TNIK: variants seen among roughly 807,000 people sequenced by gnomAD.
TNIK encodes TRAF2 and NCK interacting kinase.
A neutral mutation model predicts 191.3 loss-of-function variants in TNIK; 49 were observed. The ratio of observed to expected loss-of-function variants is 0.26; its 90% CI spans 0.20 to 0.32. TNIK has a LOEUF of 0.32. Ranked by LOEUF, TNIK falls within the 10% of genes least tolerant of loss-of-function variation. The pLI is 1.00. For synonymous variants in TNIK, 594 were observed against 600.9 expected (o/e 0.99, Z 0.17); for missense variants, 1,155 against 1,702.3 (o/e 0.68, Z 5.66).
At chr3:171,415,987 A>AAAG (rs1723004718) in intron 1 of TNIK, among the ~76,000 whole-genome samples, 1 of 147,810 alleles carries the variant, frequency 6.8e-6, no homozygotes, top group African/African-American at 2.5e-5. Flanking sequence ...AAAAAAAAAA[A>AAAG]AAAAAAAAAA....
intron 1 of TNIK, among the ~76,000 whole-genome samples, chr3:171,379,006 G>C (rs1204559956): frequency 6.6e-6 from 1 of 152,176 alleles, no homozygotes; most frequent in Non-Finnish European, 1.5e-5. Context: ...CAGTAGGTAG[G>C]ATGGGCAGGC....
chr3:171,218,891 T>C (rs997021232), intron 3 of TNIK, among the ~76,000 whole-genome samples: 1 of 108,006 alleles, frequency 9.3e-6, no homozygotes, highest in African/African-American at 3.5e-5. Flanking sequence ...TTATATATTA[T>C]ATATTTACAT....
intron 1 of TNIK, among the ~76,000 whole-genome samples, chr3:171,444,925 G>A (rs1198096530): frequency 6.6e-6 from 1 of 151,892 alleles, no homozygotes; most frequent in South Asian, 2.1e-4. Flanking sequence ...ATGTTGCCCA[G>A]GCTGATTTCA....
chr3:171,407,108 G>T (rs1368458271), intron 1 of TNIK, among the ~76,000 whole-genome samples: 1 of 152,154 alleles, frequency 6.6e-6, no homozygotes, highest in Non-Finnish European at 1.5e-5. Context: ...TGGGGACTGG[G>T]GTCCGGTGGT....
At chr3:171,302,328 A>G (rs530616546) in intron 2 of TNIK, among the ~76,000 whole-genome samples, 2 of 126,944 alleles carry the variant, frequency 1.6e-5, no homozygotes, top group Non-Finnish European at 3.6e-5. Context: ...GCCACACTCA[A>G]AGAGATTTGT....
intron 2 of TNIK, among the ~76,000 whole-genome samples, chr3:171,325,710 T>A (rs2108349413): frequency 6.6e-6 from 1 of 152,332 alleles, no homozygotes; most frequent in South Asian, 2.1e-4. Context: ...GTCAGTAAAC[T>A]ATCAAGAATT....
intron 4 of TNIK, among the ~76,000 whole-genome samples, chr3:171,205,055 G>A (rs1739885138): frequency 6.6e-6 from 1 of 152,192 alleles, no homozygotes; most frequent in African/African-American, 2.4e-5. Flanking sequence ...CTTGGCCCAT[G>A]GTAAGCAGGT....
chr3:171,126,271 G>C (rs1248296146), intron 16 of TNIK, 120 bp from the exon 17 acceptor site: 2 of 1,275,480 alleles, frequency 1.6e-6, no homozygotes, highest in Non-Finnish European at 2.1e-6. Context: ...GGACTATAGA[G>C]AGTCTATCAC....
At chr3:171,432,592 C>G (rs1040471024) in intron 1 of TNIK, among the ~76,000 whole-genome samples, 5 of 152,182 alleles carry the variant, frequency 3.3e-5, no homozygotes, top group African/African-American at 1.2e-4. Context: ...CTAAGCCTCT[C>G]TTTCACAATA....
At chr3:171,302,460 A>G (rs777467849) in intron 2 of TNIK, among the ~76,000 whole-genome samples, 2 of 152,252 alleles carry the variant, frequency 1.3e-5, no homozygotes, top group Non-Finnish European at 2.9e-5. Context: ...TGAAGTGCTC[A>G]GTAATCAACT....
intron 20 of TNIK, among the ~76,000 whole-genome samples, chr3:171,107,742 C>G (rs1383073723): frequency 1.3e-5 from 2 of 152,116 alleles, no homozygotes; most frequent in Admixed American, 6.5e-5. Context: ...AGAAAGTACC[C>G]AAGTCTCTTT....
At chr3:171,125,087 T>C (rs13095279) in intron 17 of TNIK, among the ~76,000 whole-genome samples, 8,404 of 152,308 alleles carry the variant, frequency 0.055, 297 homozygotes, top group Middle Eastern at 0.13. Flanking sequence ...AGCTTCTTTT[T>C]CTTCTGGAAT....
rs139504733 is a variant in TNIK, at chr3:171,206,403, T to A, written c.306+4713A>T. ...GAGTAAATAAATGAACACATACACA[T>A]CAGGCTTTTGGTTCCCAGCAACAAC... On this transcript the variant is annotated intron_variant, in intron 4 of 32. Coordinates refer to ENST00000436636, the MANE Select transcript of TNIK (RefSeq NM_015028.4). Among the ~76,000 whole-genome samples the A allele has an allele frequency of 4.4e-3, 656 of 149,120 alleles. 8 individuals carry two copies. Among genetic ancestry groups the A allele is most frequent in the African/African-American group, 0.015 (616 of 41,024 alleles).
intron 12 of TNIK, among the ~76,000 whole-genome samples, chr3:171,146,169 C>T (rs528927948): frequency 6.6e-6 from 1 of 152,288 alleles, no homozygotes; most frequent in East Asian, 1.9e-4. Context: ...GCGCTGGATG[C>T]CATGTTGTGC....
intron 1 of TNIK, among the ~76,000 whole-genome samples, chr3:171,378,939 C>T (rs1310741852): frequency 2.0e-5 from 3 of 152,146 alleles, no homozygotes; most frequent in South Asian, 4.1e-4. Context: ...TTTAGTAAAC[C>T]GATGGAATCA....
chr3:171,319,914 G>T (rs1042606126), intron 2 of TNIK, among the ~76,000 whole-genome samples: 2 of 152,154 alleles, frequency 1.3e-5, no homozygotes, highest in African/African-American at 4.8e-5. Flanking sequence ...GGAAGGGTCA[G>T]TCTCTAAACA....
At chr3:171,302,519 T>C (rs16856134) in intron 2 of TNIK, among the ~76,000 whole-genome samples, 6,346 of 152,270 alleles carry the variant, frequency 0.042, 424 homozygotes, top group African/African-American at 0.14. Context: ...TAAGTGTACC[T>C]GTATCCTTGC....
At chr3:171,216,784 G>C (rs1430197482) in intron 3 of TNIK, among the ~76,000 whole-genome samples, 1 of 152,016 alleles carries the variant, frequency 6.6e-6, no homozygotes, top group Admixed American at 6.6e-5. Flanking sequence ...CTAACAGACT[G>C]TAATAAATTA....
In TNIK at chr3:171,085,221, C is replaced by T; in HGVS notation, c.2895G>A (p.Met965Ile). ...TGAAGGAGGCTTTGGTGCTGCTCCC[C>T]ATGCCATACTAATCAATAAGCAAGA... ...QEMDSGTEYG[M>I]GSSTKASFTP... Residue 965 changes from methionine to isoleucine, a missense_variant, in exon 25 of 33, where the codon ATG becomes ATA. Physicochemically the swap from Met to Ile is conservative, Grantham distance 10 (BLOSUM62 1). This residue lies in a region of TNIK where 735 missense variants were observed against 848.0 expected (regional missense o/e 0.87). Coordinates refer to ENST00000436636, the MANE Select transcript of TNIK (RefSeq NM_015028.4). 6.2e-7 allele frequency: 1 copy of T among 1,607,998 alleles called. No homozygotes were observed. Among genetic ancestry groups the T allele is most frequent in the Non-Finnish European group, 8.5e-7 (1 of 1,177,128 alleles).
Sources: allele counts gnomAD v4.1 joint callset (sites outside exome capture counted in the v4.1 genomes callset), GRCh38; gene constraint gnomAD v4.1.1; regional missense constraint gnomAD v4.1.1; transcripts MANE v1.5; gene names NCBI Gene and HGNC (gene_info 2026-07-23, HGNC 2026-07-21).